Variants in DNM3 observed in about 807,000 individuals in gnomAD.
DNM3 encodes the protein dynamin 3.
A neutral mutation model predicts 101.6 loss-of-function variants in DNM3; 47 were observed. The ratio of observed to expected loss-of-function variants is 0.46; its 90% confidence interval spans 0.37 to 0.59. The LOEUF (loss-of-function observed/expected upper bound fraction) is 0.59, where lower values mean the gene tolerates loss of function less well. Ranked by LOEUF, DNM3 falls within the 20% of genes least tolerant of loss-of-function variation. DNM3 has a pLI of 0.00. For missense variants in DNM3, 849 were observed against 1,085.7 expected, an observed-to-expected ratio of 0.78 and a Z score of 3.06; for synonymous variants, 385 against 387.9, an observed-to-expected ratio of 0.99 and a Z score of 0.09.
At chr1:171,887,777 A>G (rs1401076329) in intron 1 of DNM3, among the ~76,000 whole-genome samples, 1 of 152,194 alleles carries the variant, frequency 6.6e-6, no homozygotes, top group African/African-American at 2.4e-5. Flanking sequence ...GATTTGAGAA[A>G]ATCTGGGGAT....
intron 1 of DNM3, among the ~76,000 whole-genome samples, chr1:171,863,072 T>G (rs2034346969): frequency 6.7e-6 from 1 of 149,292 alleles, no homozygotes; most frequent in South Asian, 2.1e-4. Flanking sequence ...AGACAATACA[T>G]AACATTCAAA....
chr1:172,292,411 G>T (rs996539996), intron 15 of DNM3, among the ~76,000 whole-genome samples: 3 of 152,158 alleles, frequency 2.0e-5, no homozygotes, highest in Non-Finnish European at 4.4e-5. Flanking sequence ...ACAGGCAAAA[G>T]TTCCACCAAT....
intron 14 of DNM3, among the ~76,000 whole-genome samples, chr1:172,245,097 A>G (rs2061899845): frequency 6.6e-6 from 1 of 152,172 alleles, no homozygotes; most frequent in South Asian, 2.1e-4. Context: ...ATGTTCATTC[A>G]GCAAGTGTTT....
chr1:172,193,264 G>C (rs1414392338), intron 14 of DNM3, among the ~76,000 whole-genome samples: 1 of 152,122 alleles, frequency 6.6e-6, no homozygotes, highest in Admixed American at 6.6e-5. Context: ...TGGTTTGCCA[G>C]TATTTCATTG....
At chr1:171,987,340 G>A in intron 2 of DNM3, 3 of 984,150 alleles carry the variant, frequency 3.0e-6, no homozygotes, top group Non-Finnish European at 2.4e-6. Flanking sequence ...TAACAATCAG[G>A]TGCTGTTGTT....
chr1:172,146,736 C>T (rs1159823694), intron 14 of DNM3, among the ~76,000 whole-genome samples: 2 of 152,142 alleles, frequency 1.3e-5, no homozygotes, highest in African/African-American at 4.8e-5. Flanking sequence ...GCCAGTATTC[C>T]AGGTGTAGAC....
chr1:171,960,876 G>A (rs1180824640), intron 2 of DNM3, among the ~76,000 whole-genome samples: 1 of 152,142 alleles, frequency 6.6e-6, no homozygotes, highest in African/African-American at 2.4e-5. Flanking sequence ...GTAAGGAAGT[G>A]CATCCTTGAT....
At chr1:172,250,821 A>G (rs1415870310) in intron 14 of DNM3, among the ~76,000 whole-genome samples, 1 of 152,116 alleles carries the variant, frequency 6.6e-6, no homozygotes, top group African/African-American at 2.4e-5. Context: ...GAGAGGAAGG[A>G]AAGAGTTAAG....
intron 17 of DNM3, among the ~76,000 whole-genome samples, chr1:172,329,269 T>C (rs2066080920): frequency 6.6e-6 from 1 of 152,080 alleles, no homozygotes; most frequent in Non-Finnish European, 1.5e-5. Flanking sequence ...GATATATGAA[T>C]ATTGAATGTC....
chr1:171,880,256 T>C (rs1174161562), intron 1 of DNM3, among the ~76,000 whole-genome samples: 1 of 149,370 alleles, frequency 6.7e-6, no homozygotes, highest in Non-Finnish European at 1.5e-5. Context: ...TCCAAGTAGA[T>C]TTTTAAAATA....
At chr1:171,862,817 G>A (rs1354114222) in intron 1 of DNM3, among the ~76,000 whole-genome samples, 1 of 152,048 alleles carries the variant, frequency 6.6e-6, no homozygotes, top group Non-Finnish European at 1.5e-5. Flanking sequence ...AAGAGAAGCA[G>A]CAACAGAAGG....
chr1:172,287,304 G>C (rs1573303736), intron 15 of DNM3, among the ~76,000 whole-genome samples: 3 of 152,144 alleles, frequency 2.0e-5, no homozygotes, highest in Admixed American at 1.3e-4. Flanking sequence ...CATTTAAATT[G>C]TAATCTATTT....
At chr1:171,904,141 C>A (rs577264395) in intron 1 of DNM3, among the ~76,000 whole-genome samples, 1 of 145,548 alleles carries the variant, frequency 6.9e-6, no homozygotes, top group East Asian at 2.0e-4. Flanking sequence ...AACCCCGTCT[C>A]CTCAAAAAAT....
In DNM3 at chr1:172,125,743, G is replaced by A. The variant is rs189782065; in HGVS notation, c.1546-5432G>A. Among the ~76,000 whole-genome samples the A allele has an allele frequency of 2.4e-4, 36 of 152,202 alleles. No homozygotes were observed. The East Asian group carries it at 6.2e-3, about 26-fold the overall frequency. On this transcript the variant is annotated intron_variant, in intron 13 of 20. Coordinates refer to ENST00000627582, the MANE Select transcript of DNM3 (RefSeq NM_015569.5). ...TGGGTTTGCTTGTTCTTGTTTACTC[G>A]AATACTCAAAACAGAATTTGATATT...
chr1:172,088,374 C>G (rs1171778300), intron 12 of DNM3, among the ~76,000 whole-genome samples: 2 of 152,116 alleles, frequency 1.3e-5, no homozygotes, highest in African/African-American at 4.8e-5. Context: ...TGACTGCTTC[C>G]TGTCTTCTCT....
At chr1:172,344,107 A>G (rs995248305) in intron 17 of DNM3, among the ~76,000 whole-genome samples, 1 of 152,158 alleles carries the variant, frequency 6.6e-6, no homozygotes, top group African/African-American at 2.4e-5. Flanking sequence ...ATTTCTTTCC[A>G]TTGAGCACTC....
intron 11 of DNM3, among the ~76,000 whole-genome samples, chr1:172,073,288 T>TAC (rs1017552537): frequency 7.5e-6 from 1 of 133,992 alleles, no homozygotes. Flanking sequence ...TATGTATATA[T>TAC]ACACATATAA....
chr1:171,900,631 C>A (rs1262581170), intron 1 of DNM3, among the ~76,000 whole-genome samples: 1 of 151,626 alleles, frequency 6.6e-6, no homozygotes, highest in Non-Finnish European at 1.5e-5. Flanking sequence ...GTCAGGGTGG[C>A]GTGATTTAAG....
chr1:172,241,195 T>A (rs879615323), intron 14 of DNM3, among the ~76,000 whole-genome samples: 4 of 151,764 alleles, frequency 2.6e-5, no homozygotes, highest in Non-Finnish European at 4.4e-5. Context: ...CAATTTAAAA[T>A]TTTTCATGCA....
Sources: gnomAD v4.1 joint callset for allele counts (sites outside exome capture counted in the v4.1 genomes callset) on GRCh38, gnomAD v4.1.1 for gene constraint, MANE v1.5 for transcripts, NCBI Gene and HGNC (gene_info 2026-07-23, HGNC 2026-07-21) for gene names.